TOMM34: variants seen among roughly 807,000 people sequenced by gnomAD.
TOMM34 encodes the protein mitochondrial import receptor subunit TOM34.
In TOMM34, 24 loss-of-function variants were observed where a neutral mutation model predicts 37.4. The observed-to-expected ratio is 0.64, with a 90% CI of 0.46 to 0.90. The LOEUF (loss-of-function observed/expected upper bound fraction) is 0.90, where lower values mean the gene tolerates loss of function less well. Ranked by LOEUF, TOMM34 falls within the 40% of genes least tolerant of loss-of-function variation. The pLI is 0.00. For missense variants in TOMM34, 304 were observed against 375.6 expected, an observed-to-expected ratio of 0.81 and a Z score of 1.58; for synonymous variants, 154 against 148.9, an observed-to-expected ratio of 1.03 and a Z score of -0.25.
intron 5 of TOMM34, among the ~76,000 whole-genome samples, chr20:44,947,574 C>T (rs1378556949): frequency 1.3e-5 from 2 of 152,196 alleles, no homozygotes; most frequent in Non-Finnish European, 2.9e-5. Context: ...TCTTGGCTCA[C>T]TGTAACCTCT....
In TOMM34 at chr20:44,942,496, A is replaced by C. The variant is rs2066943689; in HGVS notation, c.*613T>G. The C allele has an allele frequency of 6.5e-6, 1 of 153,704 alleles. No homozygotes were observed. Among genetic ancestry groups the C allele is most frequent in the Non-Finnish European group, 1.5e-5 (1 of 68,890 alleles). 9.5% of individuals were successfully genotyped at this position (153,704 alleles called of 1,614,324 possible). On this transcript the variant is annotated 3_prime_UTR_variant, in exon 7 of 7. Transcript: ENST00000372813. ...CAGCAGCACAGAGTCAAGGACAACC[A>C]TTCAAGGGTCAGGGCTCTGCCTTCC...
At position 44,959,881 on chromosome 20, in the gene TOMM34, C is replaced by T. The variant is rs186853897; in HGVS notation, c.127+326G>A. The T allele has an allele frequency of 6.8e-5, 67 of 978,298 alleles. No individual in the cohort carries two copies. The African/African-American group carries it at 9.1e-4, about 13-fold the overall frequency. 60.6% of individuals were successfully genotyped at this position (978,298 alleles called of 1,614,324 possible). ...AATGCGCTGTCCTTGAGAGAAGGGACTTTTTGTGTCTTGTTACACAGGCGG... is the reference window on the plus strand; with the variant it reads ...AATGCGCTGTCCTTGAGAGAAGGGATTTTTTGTGTCTTGTTACACAGGCGG... On this transcript the variant is annotated intron_variant, in intron 1 of 6. Coordinates refer to ENST00000372813, the MANE Select transcript of TOMM34 (RefSeq NM_006809.5).
At position 44,960,378 on chromosome 20, in the gene TOMM34, C is replaced by G. The variant is rs369783328; in HGVS notation, c.-45G>C. On this transcript the variant is annotated 5_prime_UTR_variant, in exon 1 of 7. Coordinates refer to ENST00000372813, the MANE Select transcript of TOMM34 (RefSeq NM_006809.5). ...GTTGGGAGCTCCTTCCTTCCTCCCC[C>G]GTGTGGTGCGGCACACCTTCCGGGC... 1.6e-4 allele frequency: 245 copies of G among 1,497,308 alleles called. No individual in the cohort carries two copies. The highest frequency in any genetic ancestry group is 1.0e-3 in the African/African-American group (71 of 69,482). 92.8% of individuals were successfully genotyped at this position (1,497,308 alleles called of 1,614,324 possible). A position where few individuals can be genotyped will look rare whatever the true frequency, so the allele number is the denominator to read the frequency against.
intron 5 of TOMM34, 39 bp downstream of exon 5, chr20:44,948,691 T>A (rs1555801723): frequency 1.2e-6 from 2 of 1,611,000 alleles, no homozygotes. Context: ...GGAACAAATG[T>A]CCTGAAATGC....
Position 44,943,232 on chromosome 20 carries a change from G to T in TOMM34, c.826-19C>A. 1 of 1,613,528 alleles carries T rather than the reference G, an allele frequency of 6.2e-7. No homozygotes were observed. Among genetic ancestry groups the T allele is most frequent in the Non-Finnish European group, 8.5e-7 (1 of 1,179,546 alleles). ...TATAGTCCTAATAGAAGAAAAGACAGGAGTGTGGGGGAAGGTTCCCGGACT... is the reference window on the plus strand; with the variant it reads ...TATAGTCCTAATAGAAGAAAAGACATGAGTGTGGGGGAAGGTTCCCGGACT... On this transcript the variant is annotated intron_variant, in intron 6 of 6. Coordinates refer to ENST00000372813, the MANE Select transcript of TOMM34 (RefSeq NM_006809.5).
chr20:44,942,952 C>T lies in TOMM34; in HGVS notation c.*157G>A. 1.5e-6 allele frequency: 1 copy of T among 659,218 alleles called. No individual in the cohort carries two copies. The highest frequency in any genetic ancestry group is 2.7e-6 in the Non-Finnish European group (1 of 374,482). The allele number at this position is 659,218 out of a possible 1,614,324, so 40.8% of individuals were successfully genotyped here. On this transcript the variant is annotated 3_prime_UTR_variant, in exon 7 of 7. Coordinates refer to ENST00000372813, the MANE Select transcript of TOMM34 (RefSeq NM_006809.5). The stretch of plus-strand genomic sequence containing the variant: ...CTACACTGAGTTTAATTTGAACAAG[C>T]AAAGCCTCTTACAGGGTGGGAGGCC...
chr20:44,947,460 GT>G (rs2066989898), intron 5 of TOMM34, among the ~76,000 whole-genome samples: 1 of 152,114 alleles, frequency 6.6e-6, no homozygotes, highest in African/African-American at 2.4e-5. Flanking sequence ...CTGCTGGGGT[GT>G]TACATAATTC....
At chr20:44,954,283 G>A (rs760776149) in intron 3 of TOMM34, among the ~76,000 whole-genome samples, 13 of 152,128 alleles carry the variant, frequency 8.5e-5, no homozygotes, top group Non-Finnish European at 1.6e-4. Flanking sequence ...CCTTGAGACC[G>A]GGACCTCTAT....
chr20:44,956,864 A>G (rs2067077502), intron 1 of TOMM34, among the ~76,000 whole-genome samples: 2 of 148,488 alleles, frequency 1.3e-5, no homozygotes, highest in Non-Finnish European at 3.0e-5. Flanking sequence ...TTTAAATCCA[A>G]GAAAGAAAGA....
rs189390703 is a variant in TOMM34 at position 44,945,956 on chromosome 20, C to A, written c.699-2377G>T. Among the ~76,000 whole-genome samples, 191 of 152,198 alleles carry A rather than the reference C, an allele frequency of 1.3e-3. 1 individual carries two copies. Among genetic ancestry groups the A allele is most frequent in the African/African-American group, 4.5e-3 (186 of 41,518 alleles). On this transcript the variant is annotated intron_variant, in intron 5 of 6. Transcript: ENST00000372813. Reference sequence around the variant, plus strand: ...CACTGCAACCTCCGCCTCCTGGGTTCAAGCGATTCTCCTACTTCAGCCTCC... The same window carrying A: ...CACTGCAACCTCCGCCTCCTGGGTTAAAGCGATTCTCCTACTTCAGCCTCC...
intron 5 of TOMM34, among the ~76,000 whole-genome samples, chr20:44,947,259 C>T (rs1208111426): frequency 6.6e-6 from 1 of 152,158 alleles, no homozygotes; most frequent in Non-Finnish European, 1.5e-5. Flanking sequence ...CCACATAAAA[C>T]CACAGGTGCA....
At chr20:44,957,831 C>CA (rs1174947332) in intron 1 of TOMM34, among the ~76,000 whole-genome samples, 1 of 152,062 alleles carries the variant, frequency 6.6e-6, no homozygotes, top group Non-Finnish European at 1.5e-5. Context: ...TTTGTAGAGA[C>CA]AGAGTCCCAC....
At chr20:44,947,613 C>T (rs1158333895) in intron 5 of TOMM34, among the ~76,000 whole-genome samples, 1 of 152,178 alleles carries the variant, frequency 6.6e-6, no homozygotes, top group Non-Finnish European at 1.5e-5. Context: ...ATTCTCCTGC[C>T]TCAGCCTCCT....
Position 44,960,320 on chromosome 20 carries a change from A to C in TOMM34, c.14T>G (p.Phe5Cys). MAPK[F>C]PDSVEELRAA... ...GCGGAGCTCCTCCACAGAGTCTGGG[A>C]ATTTGGGGGCCATCCCGTGGCCAGG... The change falls in exon 1 of 7, where the codon TTC becomes TGC. Residue 5 changes from phenylalanine (F) to cysteine (C), a missense_variant. Physicochemically the swap from Phe to Cys is radical, Grantham distance 205. Transcript: ENST00000372813. 1 of 1,579,000 alleles carries C rather than the reference A, an allele frequency of 6.3e-7. No individual in the cohort carries two copies. Among genetic ancestry groups the C allele is most frequent in the Non-Finnish European group, 8.6e-7 (1 of 1,163,468 alleles).
chr20:44,955,010 G>A, intron 3 of TOMM34, 58 bp downstream of exon 3: 2 of 1,591,450 alleles, frequency 1.3e-6, no homozygotes, highest in Non-Finnish European at 1.7e-6. Context: ...ATGGCCCGCA[G>A]CCAATCAAGA....
intron 1 of TOMM34, chr20:44,959,889 G>A (rs2067110127): frequency 1.0e-6 from 1 of 980,298 alleles, no homozygotes; most frequent in Non-Finnish European, 1.2e-6. Flanking sequence ...GACTTTTTGT[G>A]TCTTGTTACA....
At chr20:44,948,915 C>T in intron 4 of TOMM34, 38 bp from the exon 5 acceptor site, 1 of 1,606,310 alleles carries the variant, frequency 6.2e-7, no homozygotes, top group Middle Eastern at 1.7e-4. Flanking sequence ...AACCATGGAG[C>T]AGCACCCAAC....
rs970897001 is a variant in TOMM34, at chr20:44,960,091, G to A, written c.127+116C>T. On this transcript the variant is annotated intron_variant, in intron 1 of 6. Transcript: ENST00000372813. ...TTCTGGTAGGATGCCGGAGTCGGAA[G>A]GGGCTGGAAGGGTGGGAGGGCCGGG... 113 of 1,401,756 alleles carry A rather than the reference G, an allele frequency of 8.1e-5. 1 individual carries two copies. The highest frequency in any genetic ancestry group is 7.2e-4 in the South Asian group (46 of 64,080). The allele number at this position is 1,401,756 out of a possible 1,614,324, so 86.8% of individuals were successfully genotyped here.
Position 44,948,786 on chromosome 20 carries a change from C to T in TOMM34, c.642G>A (p.Glu214=), listed in dbSNP as rs150881340. The T allele has an allele frequency of 6.2e-6, 10 of 1,614,070 alleles. No homozygotes were observed. Among genetic ancestry groups the T allele is most frequent in the African/African-American group, 1.3e-5 (1 of 74,922 alleles). The change falls in exon 5 of 7, where the codon GAG becomes GAA. Residue 214 remains glutamate (E), a synonymous_variant. Transcript: ENST00000372813. ...VKKGNHKKAI[E]KYSESLLCSN... ...TACACAAGAGGCTTTCACTGTACTT[C>T]TCAATAGCTTTCTTATGGTTTCCCT...
Sources: allele counts gnomAD v4.1 joint callset (sites outside exome capture counted in the v4.1 genomes callset), GRCh38; gene constraint gnomAD v4.1.1; transcripts MANE v1.5; gene names NCBI Gene and HGNC (gene_info 2026-07-23, HGNC 2026-07-21).